The following CDH23 variants were observed in gnomAD, a reference collection of about 807,000 sequenced individuals.
CDH23 encodes cadherin-23.
CDH23 carries 189 observed loss-of-function variants against 317.1 expected under a neutral mutation model. That is an observed-to-expected ratio of 0.60 (90% confidence interval 0.53 to 0.67). CDH23 has a LOEUF of 0.67. Ranked by LOEUF, CDH23 falls within the 30% of genes least tolerant of loss-of-function variation. CDH23 has a pLI of 0.00. For missense variants in CDH23, 4,401 were observed against 4,592.4 expected (o/e 0.96, Z 1.20); for synonymous variants, 1,839 against 1,876.8 (o/e 0.98, Z 0.52).
At chr10:71,652,073 G>A (rs959247555) in intron 14 of CDH23, among the ~76,000 whole-genome samples, 3 of 152,196 alleles carry the variant, frequency 2.0e-5, no homozygotes, top group South Asian at 4.1e-4. Flanking sequence ...TTCCCCAGTC[G>A]GAGGAAGCCA....
At chr10:71,636,184 A>C (rs1862265063) in intron 11 of CDH23, among the ~76,000 whole-genome samples, 1 of 152,042 alleles carries the variant, frequency 6.6e-6, no homozygotes, top group Non-Finnish European at 1.5e-5. Context: ...AATCAGGAGA[A>C]TGGGAGAGAG....
intron 28 of CDH23, 116 bp from the exon 29 acceptor site, chr10:71,723,929 A>G (rs766845892): frequency 1.8e-5 from 21 of 1,171,564 alleles, no homozygotes; most frequent in Non-Finnish European, 2.5e-5. Context: ...GAGGGAGACC[A>G]CAGGTTTTGG....
At chr10:71,712,033 C>G (rs1409256135) in intron 27 of CDH23, 1 of 152,178 alleles carries the variant, frequency 6.6e-6, no homozygotes, top group Non-Finnish European at 1.5e-5. Context: ...GGCAGGGTCA[C>G]GCTTCCTCCA....
intron 9 of CDH23, among the ~76,000 whole-genome samples, chr10:71,580,180 T>C (rs1858525030): frequency 6.6e-6 from 1 of 152,194 alleles, no homozygotes; most frequent in East Asian, 1.9e-4. Flanking sequence ...CCCACCTCTC[T>C]ACTCTATCCT....
chr10:71,581,231 C>T (rs1052422277), intron 9 of CDH23, among the ~76,000 whole-genome samples: 4 of 152,246 alleles, frequency 2.6e-5, no homozygotes, highest in Admixed American at 6.5e-5. Context: ...CTGCCCCAGC[C>T]CTAGCTGCTC....
rs563614175 is a variant in CDH23 at position 71,467,813 on chromosome 10, C to T, written c.145+21418C>T. 2.2e-3 allele frequency among the ~76,000 whole-genome samples: 333 copies of T among 152,256 alleles called. 5 individuals carry two copies. The highest frequency in any genetic ancestry group is 1.4e-3 in the Non-Finnish European group (98 of 68,028). ...TCGGCTCATGTTATTATCCCCACTG[C>T]GCAGAGGAGCAAACTGAGGTCACAC... On this transcript the variant is annotated intron_variant, in intron 3 of 69. Coordinates refer to ENST00000224721, the MANE Select transcript of CDH23 (RefSeq NM_022124.6).
At chr10:71,799,439 G>C in intron 51 of CDH23, 53 bp from the exon 52 acceptor site, 5 of 1,612,712 alleles carry the variant, frequency 3.1e-6, no homozygotes, top group South Asian at 1.1e-5. Flanking sequence ...GGCTGTGCTC[G>C]GGCTCTGGGA....
intron 48 of CDH23, chr10:71,796,758 A>G: frequency 3.9e-6 from 1 of 255,772 alleles, no homozygotes; most frequent in South Asian, 5.2e-5. Flanking sequence ...TTACAAATGG[A>G]AACTCATTTT....
At chr10:71,532,727 GT>G (rs200038577) in intron 6 of CDH23, among the ~76,000 whole-genome samples, 2,640 of 93,164 alleles carry the variant, frequency 0.028, 27 homozygotes, top group African/African-American at 0.061. Context: ...TTTTTTTTTT[GT>G]TTTTTTTTTT....
intron 28 of CDH23, among the ~76,000 whole-genome samples, chr10:71,721,516 G>A (rs773480173): frequency 2.0e-5 from 3 of 152,182 alleles, no homozygotes; most frequent in Non-Finnish European, 2.9e-5. Context: ...GGCTCAAGGG[G>A]GCTAAAGTAC....
At chr10:71,752,056 T>A in intron 38 of CDH23, 2 of 719,906 alleles carry the variant, frequency 2.8e-6, no homozygotes, top group Non-Finnish European at 2.5e-6. Flanking sequence ...CCACCTGTCC[T>A]GAGCTGAGGG....
chr10:71,548,290 C>T (rs555548984), intron 6 of CDH23, among the ~76,000 whole-genome samples: 22 of 152,026 alleles, frequency 1.4e-4, no homozygotes, highest in Non-Finnish European at 2.6e-4. Context: ...TATGTGTGTG[C>T]GTGGTGGAGG....
intron 1 of CDH23, among the ~76,000 whole-genome samples, chr10:71,416,611 G>A (rs1848543960): frequency 6.6e-6 from 1 of 152,108 alleles, no homozygotes; most frequent in Non-Finnish European, 1.5e-5. Context: ...TTTTGGTGTG[G>A]ATCTGCTATT....
At chr10:71,464,310 C>T (rs185407615) in intron 3 of CDH23, among the ~76,000 whole-genome samples, 20 of 152,278 alleles carry the variant, frequency 1.3e-4, no homozygotes, top group Admixed American at 5.2e-4. Flanking sequence ...TATTTATGTC[C>T]GCCTCTGTGT....
At chr10:71,495,831 AGAAAGAAAGAAG>A (rs1447440992) in intron 3 of CDH23, among the ~76,000 whole-genome samples, 2 of 148,436 alleles carry the variant, frequency 1.3e-5, no homozygotes, top group Non-Finnish European at 2.9e-5. Context: ...AAAGAAAGAA[AGAAAGAAAGAAG>A]GAAAGAAAGA....
chr10:71,663,790 T>C (rs1205135121), intron 14 of CDH23, among the ~76,000 whole-genome samples: 1 of 152,144 alleles, frequency 6.6e-6, no homozygotes, highest in Non-Finnish European at 1.5e-5. Flanking sequence ...CGTCAGCCAG[T>C]CTCTTTGCCT....
At chr10:71,762,530 T>A (rs1463874369) in intron 38 of CDH23, among the ~76,000 whole-genome samples, 1 of 152,252 alleles carries the variant, frequency 6.6e-6, no homozygotes, top group Non-Finnish European at 1.5e-5. Flanking sequence ...GCATCTCACC[T>A]GCATGCTGAA....
intron 2 of CDH23, among the ~76,000 whole-genome samples, chr10:71,446,053 G>A (rs951641855): frequency 2.0e-5 from 3 of 152,200 alleles, no homozygotes; most frequent in Non-Finnish European, 4.4e-5. Flanking sequence ...CCCCTGTCAT[G>A]TGCTTGCTCC....
chr10:71,560,556 A>G (rs555796718), intron 6 of CDH23, among the ~76,000 whole-genome samples: 1 of 152,172 alleles, frequency 6.6e-6, no homozygotes, highest in South Asian at 2.1e-4. Context: ...TGATTCCACC[A>G]CTTACAATCT....
Sources: gnomAD v4.1 joint callset for allele counts (sites outside exome capture counted in the v4.1 genomes callset) on GRCh38, gnomAD v4.1.1 for gene constraint, MANE v1.5 for transcripts, NCBI Gene and HGNC (gene_info 2026-07-23, HGNC 2026-07-21) for gene names.